The following FASN variants were observed in gnomAD, a reference collection of about 807,000 sequenced individuals.
FASN encodes fatty acid synthase, also known as 3-hydroxyacyl-[acyl-carrier-protein] dehydratase.
A neutral mutation model predicts 250.0 loss-of-function variants in FASN; 50 were observed. That is an observed-to-expected ratio of 0.20 (90% CI 0.16 to 0.25). The LOEUF (loss-of-function observed/expected upper bound fraction) is 0.25, where lower values mean the gene tolerates loss of function less well. Among genes scored for constraint, FASN ranks in the 10% least tolerant of loss-of-function variants. FASN has a pLI of 1.00. For synonymous variants in FASN, 1,909 were observed against 1,584.0 expected, an observed-to-expected ratio of 1.21 and a Z score of -4.87; for missense variants, 3,031 against 3,498.5, an observed-to-expected ratio of 0.87 and a Z score of 3.37.
Position 82,089,689 on chromosome 17 carries a change from C to T in FASN, c.1908G>A (p.Pro636=), listed in dbSNP as rs780196946. The T allele has an allele frequency of 1.6e-5, 25 of 1,588,596 alleles. No homozygotes were observed. The highest frequency in any genetic ancestry group is 1.1e-4 in the Admixed American group (6 of 55,494). ...AGTTGTGGCAGGCGGGCACCACGCC[C>T]GGGGGGCAGCGCTGTTTACACTCCT... ...SWEECKQRCP[P]GVVPACHNSK... Residue 636 remains proline (P), a synonymous_variant, in exon 12 of 43, where the codon CCG becomes CCA. Transcript: ENST00000306749.
Position 82,082,140 on chromosome 17 carries a change from G to T in FASN, c.6032C>A (p.Pro2011His). ...NLDRVTREAC[P>H]ELDYFVVFSS... ...GAAGACCACAAAGTAGTCCAGCTCA[G>T]GGCACGCCTCTCGGGTCACCCTGTG... Residue 2011 changes from proline to histidine, a missense_variant, in exon 36 of 43, where the codon CCT (proline) becomes CAT (histidine). By Grantham distance (77) the Pro-to-His change is moderately conservative. Transcript: ENST00000306749. 1 of 1,605,052 alleles carries T rather than the reference G, an allele frequency of 6.2e-7. No homozygotes were observed. The highest frequency in any genetic ancestry group is 8.5e-7 in the Non-Finnish European group (1 of 1,179,952).
chr17:82,083,849 T>C lies in FASN; in HGVS notation c.5141A>G (p.Gln1714Arg), dbSNP rs1384689307. 1.9e-6 allele frequency: 3 copies of C among 1,592,546 alleles called. No homozygotes were observed. The highest frequency in any genetic ancestry group is 1.7e-4 in the Middle Eastern group (1 of 6,026). The change falls in exon 30 of 43, where the codon CAG becomes CGG. Residue 1714 changes from glutamine to arginine, a missense_variant. Gln to Arg is a conservative substitution (Grantham distance 43). Coordinates refer to ENST00000306749, the MANE Select transcript of FASN (RefSeq NM_004104.5). ...KRAYLQARFPQLDSTSFANSR... is the reference protein window; with the variant it reads ...KRAYLQARFPRLDSTSFANSR... ...GTTGGCGAAGCTGGTGCTGTCGAGCTGGGGGAACCTGGCCTGGAGGTACGC... is the reference window on the plus strand; with the variant it reads ...GTTGGCGAAGCTGGTGCTGTCGAGCCGGGGGAACCTGGCCTGGAGGTACGC...
rs75952379 is a variant in FASN at position 82,080,422 on chromosome 17, T to C, written c.6995A>G (p.Asn2332Ser). The C allele has an allele frequency of 1.2e-6, 2 of 1,601,392 alleles. No individual in the cohort carries two copies. The highest frequency in any genetic ancestry group is 1.7e-6 in the Non-Finnish European group (2 of 1,174,916). Residue 2332 changes from asparagine (N) to serine (S), a missense_variant, in exon 40 of 43, where the codon AAC (asparagine) becomes AGC (serine). Physicochemically the swap from Asn to Ser is conservative, Grantham distance 46. Transcript: ENST00000306749. ...CGAGCCGTCGAACAGGAAGAGGCTG[T>C]TGTGGGTGGGGGCTGGGCTCTGCTG... ...QAQQSPAPTH[N>S]SLFLFDGSPT...
intron 1 of FASN, chr17:82,096,784 C>A: frequency 5.2e-6 from 2 of 384,574 alleles, no homozygotes; most frequent in East Asian, 1.3e-4. Flanking sequence ...GGCTTCCACT[C>A]GCCTGAGTCT....
chr17:82,088,062 A>G, intron 17 of FASN, 28 bp from the exon 18 acceptor site: 9 of 1,612,506 alleles, frequency 5.6e-6, no homozygotes, highest in Non-Finnish European at 7.6e-6. Context: ...TGGAGATCAG[A>G]GGGCAGCACC....
At position 82,091,330 on chromosome 17, in the gene FASN, CG is replaced by C; in HGVS notation, c.1383del (p.Ala462ProfsTer47). 1 of 1,609,458 alleles carries C rather than the reference CG, an allele frequency of 6.2e-7. No homozygotes were observed. The highest frequency in any genetic ancestry group is 1.1e-5 in the South Asian group (1 of 90,768). The part of the protein sequence containing the change: ...LSMLNDIAAV[P>X]ATAMPFRGYA... ...TAGCCACGGAAGGGCATGGCGGTGG[CG>C]GGGACAGCCGCGATGTCGTTCAGCA... On this transcript the variant is annotated frameshift_variant, in exon 9 of 43. Transcript: ENST00000306749. LOFTEE classifies it high-confidence loss of function.
intron 1 of FASN, chr17:82,097,566 T>G (rs1179518506): frequency 6.6e-6 from 1 of 152,264 alleles, no homozygotes; most frequent in Non-Finnish European, 1.5e-5. Flanking sequence ...CGCTTGCTAT[T>G]CACGCGGGGT....
chr17:82,084,051 G>T lies in FASN; in HGVS notation c.5022C>A (p.His1674Gln), dbSNP rs955172387. ...RVRPGETLLIHSGSGGVGQAA... is the reference protein window; with the variant it reads ...RVRPGETLLIQSGSGGVGQAA... ...CCTGGCCCACGCCGCCCGAGCCCGA[G>T]TGGATGAGCAGCGTCTCCCCGGGGC... Residue 1674 changes from histidine to glutamine, a missense_variant, in exon 29 of 43, where the codon CAC becomes CAA. Coordinates refer to ENST00000306749, the MANE Select transcript of FASN (RefSeq NM_004104.5). 2.6e-6 allele frequency: 4 copies of T among 1,545,952 alleles called. No individual in the cohort carries two copies. The highest frequency in any genetic ancestry group is 2.0e-5 in the Admixed American group (1 of 51,070).
chr17:82,094,993 G>T (rs888460301), intron 3 of FASN, among the ~76,000 whole-genome samples: 8 of 151,382 alleles, frequency 5.3e-5, no homozygotes, highest in East Asian at 2.0e-4. Context: ...GGGGGTGGGG[G>T]CCTGGAGGGC....
intron 4 of FASN, 69 bp downstream of exon 4, chr17:82,093,529 C>T (rs1332132015): frequency 8.7e-6 from 14 of 1,606,436 alleles, no homozygotes; most frequent in African/African-American, 1.3e-5. Flanking sequence ...GCCCACGCCA[C>T]GTGGTTTCTG....
intron 37 of FASN, 29 bp from the exon 38 acceptor site, chr17:82,081,381 C>A: frequency 6.4e-7 from 1 of 1,559,956 alleles, no homozygotes; most frequent in South Asian, 1.2e-5. Context: ...GTCGGCAACT[C>A]CAGAGGGGGC....
intron 30 of FASN, 61 bp from the exon 31 acceptor site, chr17:82,083,700 A>G: frequency 6.2e-7 from 1 of 1,605,958 alleles, no homozygotes; most frequent in Non-Finnish European, 8.5e-7. Flanking sequence ...CACAGTCCAG[A>G]GGGCCAGACC....
Position 82,082,338 on chromosome 17 carries a change from G to A in FASN, c.5996C>T (p.Thr1999Ile). ...CGGTACCCACCTGTCCAGGTTCAGG[G>A]TGCCGCTGTACTTGGGCTTGCAGAC... ...QDVCKPKYSG[T>I]LNLDRVTREA... The change falls in exon 35 of 43, where the codon ACC becomes ATC. Residue 1999 changes from threonine to isoleucine, a missense_variant. By Grantham distance (89) the Thr-to-Ile change is moderately conservative. Coordinates refer to ENST00000306749, the MANE Select transcript of FASN (RefSeq NM_004104.5). 2 of 1,612,772 alleles carry A rather than the reference G, an allele frequency of 1.2e-6. No homozygotes were observed. The highest frequency in any genetic ancestry group is 1.7e-6 in the Non-Finnish European group (2 of 1,179,994).
At position 82,082,599 on chromosome 17, in the gene FASN, C is replaced by A. The variant is rs1164119399; in HGVS notation, c.5847G>T (p.Leu1949=). 2 of 1,610,666 alleles carry A rather than the reference C, an allele frequency of 1.2e-6. No homozygotes were observed. Among genetic ancestry groups the A allele is most frequent in the Admixed American group, 1.7e-5 (1 of 60,006 alleles). ...VQVSTSNISS[L]EGARGLIAEA... Reference sequence around the variant, plus strand: ...CGGCAATGAGGCCCCGGGCCCCCTCCAGTGAGCTGATGTTGCTGGTGGACA... The same window carrying A: ...CGGCAATGAGGCCCCGGGCCCCCTCAAGTGAGCTGATGTTGCTGGTGGACA... Residue 1949 remains leucine (L), a synonymous_variant, in exon 34 of 43, where the codon CTG becomes CTT. Transcript: ENST00000306749.
At chr17:82,080,081 C>T in intron 41 of FASN, 59 bp downstream of exon 41, 1 of 1,541,628 alleles carries the variant, frequency 6.5e-7, no homozygotes. Context: ...CTTCCCTTCC[C>T]CCTTCCGTTC....
intron 3 of FASN, among the ~76,000 whole-genome samples, chr17:82,095,043 C>T (rs2034280431): frequency 6.6e-6 from 1 of 152,156 alleles, no homozygotes; most frequent in Admixed American, 6.5e-5. Flanking sequence ...TCACTCCAGC[C>T]CCGGCCCCGG....
rs772337797 is a variant in FASN, at chr17:82,085,359, A to G, written c.4166T>C (p.Val1389Ala). Residue 1389 changes from valine (V) to alanine (A), a missense_variant, in exon 24 of 43, where the codon GTG (valine) becomes GCG (alanine). By Grantham distance (64) the Val-to-Ala change is moderately conservative. Transcript: ENST00000306749. ...SLFSRVSLRL[V>A]GLKKSFYGST... ...GCCGTAGAAGGACTTCTTCAGGCCCACCAGGCGCAGCGACACCCTGGAGAA... is the reference window on the plus strand; with the variant it reads ...GCCGTAGAAGGACTTCTTCAGGCCCGCCAGGCGCAGCGACACCCTGGAGAA... The G allele has an allele frequency of 6.8e-6, 11 of 1,611,654 alleles. No homozygotes were observed. Among genetic ancestry groups the G allele is most frequent in the African/African-American group, 1.3e-5 (1 of 75,002 alleles).
Position 82,081,351 on chromosome 17 carries a change from G to A in FASN, c.6408C>T (p.Gly2136=). ...GGTTGACAGCAGCCAAGTCGCGGAT[G>A]CCTGGAAGGGATGCGCCGGGTCGGC... The part of the protein sequence containing the change: ...DLVEAVAHIL[G]IRDLAAVNLD... Residue 2136 remains glycine, a splice_region_variant and synonymous_variant, in exon 38 of 43, where the codon GGC becomes GGT. Transcript: ENST00000306749. 6.4e-7 allele frequency: 1 copy of A among 1,559,198 alleles called. No individual in the cohort carries two copies. Among genetic ancestry groups the A allele is most frequent in the Non-Finnish European group, 8.7e-7 (1 of 1,152,594 alleles).
At chr17:82,086,117 C>G in intron 22 of FASN, 137 bp downstream of exon 22, 1 of 1,457,072 alleles carries the variant, frequency 6.9e-7, no homozygotes, top group Non-Finnish European at 9.2e-7. Flanking sequence ...GACACGTGCA[C>G]AGAACCACAC....
Sources: gnomAD v4.1 joint callset for allele counts (sites outside exome capture counted in the v4.1 genomes callset) on GRCh38, gnomAD v4.1.1 for gene constraint, MANE v1.5 for transcripts, NCBI Gene and HGNC (gene_info 2026-07-23, HGNC 2026-07-21) for gene names.